The following KSR2 variants were observed in gnomAD, a reference collection of about 807,000 sequenced individuals.
KSR2 encodes the protein kinase suppressor of ras 2.
Under a neutral mutation model 107.8 loss-of-function variants are expected in KSR2, and 25 were observed. The ratio of observed to expected loss-of-function variants is 0.23; its 90% CI spans 0.17 to 0.32. KSR2 has a LOEUF of 0.32. KSR2 is among the 10% of genes least tolerant of loss of function. KSR2 has a pLI of 1.00. For synonymous variants in KSR2, 480 were observed against 507.0 expected, an observed-to-expected ratio of 0.95 and a Z score of 0.71; for missense variants, 887 against 1,268.9, an observed-to-expected ratio of 0.70 and a Z score of 4.57.
chr12:117,847,352 T>C (rs559320157), intron 3 of KSR2, among the ~76,000 whole-genome samples: 56 of 152,322 alleles, frequency 3.7e-4, no homozygotes, highest in Non-Finnish European at 5.9e-4. Context: ...CTGTCCTATT[T>C]CGGGGGCCAC....
chr12:117,656,641 T>C (rs1884169794), intron 5 of KSR2, among the ~76,000 whole-genome samples: 1 of 152,126 alleles, frequency 6.6e-6, no homozygotes, highest in African/African-American at 2.4e-5. Context: ...GTCAGCGGGC[T>C]AGGGAAGGCA....
At chr12:117,839,515 C>T (rs942433288) in intron 3 of KSR2, among the ~76,000 whole-genome samples, 3 of 152,208 alleles carry the variant, frequency 2.0e-5, no homozygotes, top group Non-Finnish European at 4.4e-5. Context: ...GCTCAGAACA[C>T]CGCCTGACAC....
chr12:117,650,278 A>G (rs1883838905), intron 5 of KSR2, among the ~76,000 whole-genome samples: 1 of 152,156 alleles, frequency 6.6e-6, no homozygotes, highest in South Asian at 2.1e-4. Context: ...TCAAACATAC[A>G]ACCATACAAC....
intron 1 of KSR2, among the ~76,000 whole-genome samples, chr12:117,863,384 G>C (rs550376032): frequency 7.9e-5 from 12 of 152,294 alleles, no homozygotes; most frequent in Admixed American, 7.8e-4. Context: ...TTAGAAGACA[G>C]CAGAGCCAAG....
At chr12:117,762,880 A>C (rs1889092420) in intron 3 of KSR2, among the ~76,000 whole-genome samples, 1 of 151,972 alleles carries the variant, frequency 6.6e-6, no homozygotes, top group South Asian at 2.1e-4. Flanking sequence ...AAAAAAAAAA[A>C]ACCTTTTTTT....
At chr12:117,918,660 T>C (rs1329936792) in intron 1 of KSR2, among the ~76,000 whole-genome samples, 4 of 151,614 alleles carry the variant, frequency 2.6e-5, no homozygotes, top group Admixed American at 6.6e-5. Context: ...TGGTGGCGCA[T>C]GCCCGTAATC....
chr12:117,903,096 C>T (rs1027087604), intron 1 of KSR2, among the ~76,000 whole-genome samples: 1 of 152,212 alleles, frequency 6.6e-6, no homozygotes, highest in African/African-American at 2.4e-5. Context: ...AGTTTGATTT[C>T]CATACTGAAG....
At chr12:117,757,542 A>AT (rs1888839847) in intron 4 of KSR2, among the ~76,000 whole-genome samples, 1 of 152,230 alleles carries the variant, frequency 6.6e-6, no homozygotes, top group Non-Finnish European at 1.5e-5. Flanking sequence ...GCTACAGAGA[A>AT]TTTTTTGTGA....
At chr12:117,532,998 G>A (rs1405888948) in intron 10 of KSR2, among the ~76,000 whole-genome samples, 1 of 152,108 alleles carries the variant, frequency 6.6e-6, no homozygotes, top group East Asian at 1.9e-4. Flanking sequence ...TCTTTGCTCT[G>A]CCCTTGGCTA....
intron 4 of KSR2, among the ~76,000 whole-genome samples, chr12:117,708,276 G>A (rs529327912): frequency 6.6e-6 from 1 of 152,282 alleles, no homozygotes; most frequent in East Asian, 1.9e-4. Flanking sequence ...GGAACTTGAG[G>A]ACTCCAGGGT....
At position 117,734,299 on chromosome 12, in the gene KSR2, A is replaced by AG. The variant is rs534725558; in HGVS notation, c.986+26711_986+26712insC. On this transcript the variant is annotated intron_variant, in intron 4 of 19. Transcript: ENST00000339824. ...CTGTCTCAAAAAAAAAAAAAAAAAA[A>AG]AGAGAGAAACTACACGACTACACAG... Among the ~76,000 whole-genome samples, 230 of 142,940 alleles carry AG rather than the reference A, an allele frequency of 1.6e-3. 1 individual carries two copies. The highest frequency in any genetic ancestry group is 7.9e-3 in the South Asian group (36 of 4,542). 93.8% of individuals were successfully genotyped at this position (142,940 alleles called of 152,430 possible). A position where few individuals can be genotyped will look rare whatever the true frequency, so the allele number is the denominator to read the frequency against.
In KSR2 at chr12:117,463,437, T is replaced by G. The variant is rs562093940; in HGVS notation, c.*3762A>C. The G allele has an allele frequency of 6.6e-6, 1 of 152,320 alleles. No homozygotes were observed. The highest frequency in any genetic ancestry group is 1.9e-4 in the East Asian group (1 of 5,184). The allele number at this position is 152,320 out of a possible 1,614,324, so 9.4% of individuals were successfully genotyped here. On this transcript the variant is annotated 3_prime_UTR_variant, in exon 20 of 20. Transcript: ENST00000339824. ...TTAGGAAAGGGCCAGATTGTAAAAG[T>G]TTTTGACTGTGTGGGCCACATCGTC...
chr12:117,647,563 G>A (rs191166421), intron 5 of KSR2, among the ~76,000 whole-genome samples: 11 of 152,250 alleles, frequency 7.2e-5, no homozygotes, highest in African/African-American at 2.6e-4. Context: ...GTGACAAAGA[G>A]GTAAATCCCC....
intron 4 of KSR2, among the ~76,000 whole-genome samples, chr12:117,736,478 C>G (rs369719129): frequency 1.1e-3 from 173 of 152,220 alleles, no homozygotes; most frequent in African/African-American, 4.0e-3. Context: ...AAGTCTCATC[C>G]CATCCTCGTC....
At chr12:117,561,798 C>A (rs1189019306) in intron 7 of KSR2, among the ~76,000 whole-genome samples, 3 of 152,200 alleles carry the variant, frequency 2.0e-5, no homozygotes, top group Non-Finnish European at 4.4e-5. Flanking sequence ...GACCCTCAGA[C>A]TCTCAGACTT....
At chr12:117,698,007 C>T (rs903476086) in intron 4 of KSR2, among the ~76,000 whole-genome samples, 1 of 151,980 alleles carries the variant, frequency 6.6e-6, no homozygotes, top group Non-Finnish European at 1.5e-5. Flanking sequence ...AAGATGAAGG[C>T]AGAGACCAGA....
chr12:117,572,690 C>A lies in KSR2; in HGVS notation c.1325+6429G>T, dbSNP rs553347135. Among the ~76,000 whole-genome samples the A allele has an allele frequency of 2.8e-4, 41 of 146,622 alleles. 1 individual carries two copies. In the Middle Eastern group the frequency reaches 0.01, roughly 37 times the overall value. On this transcript the variant is annotated intron_variant, in intron 7 of 19. Coordinates refer to ENST00000339824, the MANE Select transcript of KSR2 (RefSeq NM_173598.6). ...AAGATGTTCCCCTCTCTTCCACACT[C>A]CAGCCCATTAAAAAAAAAAAAAAAA... is the stretch of plus-strand genomic sequence containing the variant.
chr12:117,844,962 C>T (rs1175498909), intron 3 of KSR2, among the ~76,000 whole-genome samples: 4 of 152,052 alleles, frequency 2.6e-5, no homozygotes, highest in East Asian at 1.9e-4. Context: ...CTGGTGAACA[C>T]GGTGAAACCC....
In KSR2 at chr12:117,484,527, T is replaced by C. The variant is rs1592917268; in HGVS notation, c.2339A>G (p.Lys780Arg). Residue 780 changes from lysine to arginine, a missense_variant, in exon 16 of 20, where the codon AAG becomes AGG. Physicochemically the swap from Lys to Arg is conservative, Grantham distance 26 (BLOSUM62 2). Around this residue, in one of 8 missense-constraint regions of KSR2, gnomAD observed 308 missense variants for 506.2 expected, o/e 0.61. Coordinates refer to ENST00000339824, the MANE Select transcript of KSR2 (RefSeq NM_173598.6). Reference sequence around the variant, plus strand: ...CTTGAGGTCCTTGTGTAGGATTCCCTTGGCGTGGAGGTAGCCCATGCCCTG... The same window carrying C: ...CTTGAGGTCCTTGTGTAGGATTCCCCTGGCGTGGAGGTAGCCCATGCCCTG... ...IVKGMGYLHA[K>R]GILHKDLKSK... The C allele has an allele frequency of 1.2e-6, 2 of 1,613,980 alleles. No individual in the cohort carries two copies. Among genetic ancestry groups the C allele is most frequent in the Non-Finnish European group, 8.5e-7 (1 of 1,179,864 alleles).
Sources: allele counts gnomAD v4.1 joint callset (sites outside exome capture counted in the v4.1 genomes callset), GRCh38; gene constraint gnomAD v4.1.1; regional missense constraint gnomAD v4.1.1; transcripts MANE v1.5; gene names NCBI Gene and HGNC (gene_info 2026-07-23, HGNC 2026-07-21).